CLIC5: variants seen among roughly 807,000 people sequenced by gnomAD.
CLIC5 encodes the protein CLIC family member 5, also known as chloride intracellular channel protein 5.
CLIC5 carries 20 observed loss-of-function variants against 24.7 expected under a neutral mutation model. That is an observed-to-expected ratio of 0.81 (90% CI 0.57 to 1.18). The LOEUF (loss-of-function observed/expected upper bound fraction) is 1.18. CLIC5 is among the 50% of genes most tolerant of loss of function. The probability of loss-of-function intolerance (pLI) is 0.00; values close to 1 mark genes in which losing one functional copy is unlikely to be tolerated. For synonymous variants in CLIC5, 159 were observed against 135.6 expected (o/e 1.17, Z -1.20); for missense variants, 341 against 326.1 (o/e 1.05, Z -0.35).
intron 1 of CLIC5, among the ~76,000 whole-genome samples, chr6:45,985,533 G>A (rs1446799704): frequency 2.0e-5 from 3 of 152,202 alleles, no homozygotes; most frequent in African/African-American, 7.2e-5. Flanking sequence ...GGTTGGAAAT[G>A]CTTCTGTGTC....
At chr6:46,013,136 G>T (rs1581862482) in intron 1 of CLIC5, among the ~76,000 whole-genome samples, 1 of 152,194 alleles carries the variant, frequency 6.6e-6, no homozygotes, top group Non-Finnish European at 1.5e-5. Flanking sequence ...TTCCAAGGGG[G>T]TGTTGAAAAT....
the CLIC5 span, among the ~76,000 whole-genome samples, chr6:46,090,800 A>G: frequency 6.6e-6 from 1 of 152,232 alleles, no homozygotes; most frequent in East Asian, 1.9e-4. Flanking sequence ...GACTTCTTAC[A>G]TGTTTTAGGT....
chr6:46,067,938 A>T (rs1289508180), intron 1 of CLIC5, among the ~76,000 whole-genome samples: 1 of 152,190 alleles, frequency 6.6e-6, no homozygotes, highest in African/African-American at 2.4e-5. Context: ...ACCTGAAAAT[A>T]TGACCTTATT....
the CLIC5 span, among the ~76,000 whole-genome samples, chr6:46,087,021 T>A: frequency 6.6e-6 from 1 of 152,196 alleles, no homozygotes; most frequent in Non-Finnish European, 1.5e-5. Flanking sequence ...CAATGCTGTC[T>A]CTGCCATCCT....
chr6:45,963,588 G>C (rs1014813654), intron 1 of CLIC5, among the ~76,000 whole-genome samples: 6 of 151,666 alleles, frequency 4.0e-5, no homozygotes, highest in African/African-American at 1.5e-4. Context: ...GAACATGACT[G>C]TCCTTCCCAA....
chr6:46,129,187 T>C, the CLIC5 span, among the ~76,000 whole-genome samples: 1 of 152,202 alleles, frequency 6.6e-6, no homozygotes. Flanking sequence ...TTAAATTCAA[T>C]AGTGATTTAG....
At chr6:46,041,064 T>C (rs1449897480) in intron 1 of CLIC5, among the ~76,000 whole-genome samples, 3 of 152,188 alleles carry the variant, frequency 2.0e-5, no homozygotes, top group Non-Finnish European at 2.9e-5. Context: ...AAAATTGTGA[T>C]ACATCAAGAT....
chr6:46,078,750 G>A (rs1022222524), intron 1 of CLIC5, among the ~76,000 whole-genome samples: 5 of 152,114 alleles, frequency 3.3e-5, no homozygotes, highest in Non-Finnish European at 7.3e-5. Context: ...AGTAGAATAA[G>A]TGATCCATGA....
At chr6:46,059,608 C>T (rs1215047421) in intron 1 of CLIC5, among the ~76,000 whole-genome samples, 1 of 152,212 alleles carries the variant, frequency 6.6e-6, no homozygotes, top group Admixed American at 6.5e-5. Flanking sequence ...GTTGGAAATT[C>T]TATTTCAGTG....
intron 4 of CLIC5, among the ~76,000 whole-genome samples, chr6:45,922,823 A>AGAGAGAGAGAGAGAG (rs1763318438): frequency 7.1e-6 from 1 of 140,612 alleles, no homozygotes; most frequent in African/African-American, 2.8e-5. Context: ...GAGAGAGAGA[A>AGAGAGAGAGAGAGAG]AGAGAGAGAG....
chr6:45,913,018 T>A (rs1002625079), intron 5 of CLIC5, among the ~76,000 whole-genome samples: 8 of 152,190 alleles, frequency 5.3e-5, no homozygotes, highest in African/African-American at 1.9e-4. Context: ...CATTTTTGAC[T>A]CGGGACTTGA....
chr6:45,992,714 C>T (rs188119394), intron 1 of CLIC5, among the ~76,000 whole-genome samples: 73 of 152,286 alleles, frequency 4.8e-4, no homozygotes, highest in East Asian at 3.1e-3. Context: ...CCCTCAAGGA[C>T]GCTTTGTAAA....
chr6:45,924,803 C>A (rs891947476), intron 4 of CLIC5, among the ~76,000 whole-genome samples: 2 of 152,026 alleles, frequency 1.3e-5, no homozygotes, highest in African/African-American at 4.8e-5. Context: ...TGTGCCCTAT[C>A]AAAAATACTC....
At chr6:45,963,032 A>C (rs1764902303) in intron 1 of CLIC5, among the ~76,000 whole-genome samples, 1 of 151,834 alleles carries the variant, frequency 6.6e-6, no homozygotes, top group Non-Finnish European at 1.5e-5. Context: ...CCTTCTTTCT[A>C]CTCCTACATG....
chr6:45,897,133 C>A (rs1762404699), downstream of CLIC5, among the ~76,000 whole-genome samples: 1 of 152,146 alleles, frequency 6.6e-6, no homozygotes, highest in African/African-American at 2.4e-5. Flanking sequence ...AGCATGTTGC[C>A]TTTGCCCTGA....
chr6:45,886,466 G>A (rs1316089905), intron 6 of CLIC5, among the ~76,000 whole-genome samples: 5 of 152,160 alleles, frequency 3.3e-5, no homozygotes, highest in African/African-American at 1.2e-4. Context: ...ACATTTTAAG[G>A]CCACCTGTTG....
At chr6:46,039,557 G>A (rs1391547448) in intron 1 of CLIC5, among the ~76,000 whole-genome samples, 1 of 151,548 alleles carries the variant, frequency 6.6e-6, no homozygotes, top group Non-Finnish European at 1.5e-5. Context: ...AAAAGAAAAC[G>A]AATAAAATAA....
At chr6:45,932,586 A>T (rs1763781027) in intron 4 of CLIC5, 1 of 152,392 alleles carries the variant, frequency 6.6e-6, no homozygotes, top group African/African-American at 2.4e-5. Flanking sequence ...GGCTGCAGGA[A>T]TCAGTCTGTC....
intron 2 of CLIC5, among the ~76,000 whole-genome samples, chr6:45,950,662 T>C (rs1278979974): frequency 6.6e-6 from 1 of 152,148 alleles, no homozygotes. Context: ...TGGTCTCAAA[T>C]TGGTAAAAAC....
Sources: gnomAD v4.1 joint callset for allele counts (sites outside exome capture counted in the v4.1 genomes callset) on GRCh38, gnomAD v4.1.1 for gene constraint, MANE v1.5 for transcripts, NCBI Gene and HGNC (gene_info 2026-07-23, HGNC 2026-07-21) for gene names.